Variants in PPP2R1B observed in about 807,000 individuals in gnomAD.
PPP2R1B encodes the protein serine/threonine-protein phosphatase 2A 65 kDa regulatory subunit A beta isoform.
In PPP2R1B, 58 loss-of-function variants were observed where a neutral mutation model predicts 72.7. The ratio of observed to expected loss-of-function variants is 0.80; its 90% confidence interval spans 0.65 to 0.99. PPP2R1B has a LOEUF of 0.99. Among genes scored for constraint, PPP2R1B ranks in the 50% least tolerant of loss-of-function variants. PPP2R1B has a pLI of 0.00. For synonymous variants in PPP2R1B, 256 were observed against 264.6 expected, an observed-to-expected ratio of 0.97 and a Z score of 0.32; for missense variants, 695 against 733.6, an observed-to-expected ratio of 0.95 and a Z score of 0.61.
the PPP2R1B span, chr11:111,700,737 G>A: frequency 7.7e-6 from 7 of 904,230 alleles, no homozygotes; most frequent in Non-Finnish European, 9.8e-6. Flanking sequence ...GCTAATGCCA[G>A]GGAAACATCA....
At chr11:111,754,710 A>C (rs1188635881) in intron 7 of PPP2R1B, 141 bp from the exon 8 acceptor site, 9 of 1,412,004 alleles carry the variant, frequency 6.4e-6, no homozygotes, top group Admixed American at 6.3e-5. Flanking sequence ...TGTTCTAAAT[A>C]AACTTTTTCG....
intron 5 of PPP2R1B, among the ~76,000 whole-genome samples, chr11:111,755,841 C>T (rs544981236): frequency 1.1e-4 from 16 of 152,208 alleles, no homozygotes; most frequent in Admixed American, 7.2e-4. Context: ...CCACCTGCCT[C>T]GGCCTCCCAA....
At chr11:111,693,078 A>G in the PPP2R1B span, among the ~76,000 whole-genome samples, 1 of 152,146 alleles carries the variant, frequency 6.6e-6, no homozygotes, top group East Asian at 1.9e-4. Flanking sequence ...TCACGCCTGT[A>G]ATCCCAGCAC....
intron 8 of PPP2R1B, 26 bp downstream of exon 8, chr11:111,754,473 G>C (rs370761720): frequency 1.9e-6 from 3 of 1,585,930 alleles, no homozygotes; most frequent in Admixed American, 2.0e-5. Context: ...ATAAAAGAGA[G>C]TGAAACAAAA....
Position 111,760,820 on chromosome 11 carries a change from G to A in PPP2R1B, c.538C>T (p.Gln180Ter). The A allele has an allele frequency of 6.2e-7, 1 of 1,613,260 alleles. No homozygotes were observed. The highest frequency in any genetic ancestry group is 8.5e-7 in the Non-Finnish European group (1 of 1,179,462). Reference sequence around the variant, plus strand: ...AGGCAAAAAAATACCATGGCTTACTGTCTGATTTCTGCTTTAACAGCATTT... The same window carrying A: ...AGGCAAAAAAATACCATGGCTTACTATCTGATTTCTGCTTTAACAGCATTT... ...ASNAVKAEIR[Q>*]QFRSLCSDDT... The change falls in exon 4 of 15, where the codon CAG (glutamine) becomes TAG (stop). Residue 180 changes from glutamine to a stop codon, truncating the protein, a stop_gained and splice_region_variant. Transcript: ENST00000527614. LOFTEE classifies it high-confidence loss of function.
chr11:111,700,857 G>A, the PPP2R1B span: 2 of 1,612,242 alleles, frequency 1.2e-6, no homozygotes, highest in African/African-American at 1.3e-5. Context: ...GAGCATAGAT[G>A]AAAATAACAT....
downstream of PPP2R1B, among the ~76,000 whole-genome samples, chr11:111,733,918 C>T (rs1411108691): frequency 2.0e-5 from 3 of 152,166 alleles, no homozygotes; most frequent in Non-Finnish European, 4.4e-5. Flanking sequence ...GCCCGGGAGC[C>T]ACCACCTGGC....
At position 111,755,095 on chromosome 11, in the gene PPP2R1B, C is replaced by A; in HGVS notation, c.844-1G>T. 6.2e-7 allele frequency: 1 copy of A among 1,602,998 alleles called. No individual in the cohort carries two copies. Among genetic ancestry groups the A allele is most frequent in the Non-Finnish European group, 8.5e-7 (1 of 1,172,604 alleles). On this transcript the variant is annotated splice_acceptor_variant, in intron 6 of 14. Coordinates refer to ENST00000527614, the MANE Select transcript of PPP2R1B (RefSeq NM_002716.5). LOFTEE classifies it high-confidence loss of function. ...TTTTAGGACCCATGGCTTTCTGGAGCTATAAAAGAATTTGAACGGGTTTTA... is the reference window on the plus strand; with the variant it reads ...TTTTAGGACCCATGGCTTTCTGGAGATATAAAAGAATTTGAACGGGTTTTA...
At chr11:111,713,972 A>T in the PPP2R1B span, among the ~76,000 whole-genome samples, 2 of 152,200 alleles carry the variant, frequency 1.3e-5, no homozygotes, top group Non-Finnish European at 2.9e-5. Flanking sequence ...ATCTCAAAAA[A>T]AAAATAAATA....
chr11:111,703,936 T>C, the PPP2R1B span, among the ~76,000 whole-genome samples: 1 of 152,178 alleles, frequency 6.6e-6, no homozygotes, highest in African/African-American at 2.4e-5. Context: ...ACCTGGAAAA[T>C]TCCTCTTGGC....
chr11:111,764,832 TC>T lies in PPP2R1B; in HGVS notation c.278del (p.Gly93GlufsTer32). On this transcript the variant is annotated frameshift_variant, in exon 3 of 15. Coordinates refer to ENST00000527614, the MANE Select transcript of PPP2R1B (RefSeq NM_002716.5). LOFTEE classifies it high-confidence loss of function. ...GCAGACAGTGGGCAAAGTCAGGACC[TC>T]CCACTAGGCCAGTGAAATTTCCCAG... ...EQLGNFTGLV[G>X]GPDFAHCLLP... 1 of 1,614,092 alleles carries T rather than the reference TC, an allele frequency of 6.2e-7. No individual in the cohort carries two copies. The highest frequency in any genetic ancestry group is 1.1e-5 in the South Asian group (1 of 91,088).
chr11:111,719,045 C>T, the PPP2R1B span, among the ~76,000 whole-genome samples: 3 of 152,312 alleles, frequency 2.0e-5, no homozygotes, highest in Admixed American at 6.5e-5. Flanking sequence ...CCATCGATAA[C>T]GTATATGTTG....
rs1944407318 is a variant in PPP2R1B, at chr11:111,738,469, T to C, written c.*3127A>G. The C allele has an allele frequency of 1.0e-6, 1 of 985,302 alleles. No homozygotes were observed. Among genetic ancestry groups the C allele is most frequent in the Admixed American group, 6.1e-5 (1 of 16,262 alleles). 61.0% of individuals were successfully genotyped at this position (985,302 alleles called of 1,614,324 possible). A position where few individuals can be genotyped will look rare whatever the true frequency, so the allele number is the denominator to read the frequency against. On this transcript the variant is annotated 3_prime_UTR_variant, in exon 15 of 15. Coordinates refer to ENST00000527614, the MANE Select transcript of PPP2R1B (RefSeq NM_002716.5). ...AACAAAGGAACAAAAGTGCACCAGG[T>C]TAACCGCCGGGTCAGGAAGGACAGG...
rs890559721 is a variant in PPP2R1B at position 111,740,281 on chromosome 11, G to A, written c.*1315C>T. On this transcript the variant is annotated 3_prime_UTR_variant, in exon 15 of 15. Transcript: ENST00000527614. ...GGCCCAGGCTAGAGTGCAGTGGCGC[G>A]ATCTCGGCTCAGTGCAACCTCTACC... 3.0e-5 allele frequency: 28 copies of A among 944,276 alleles called. No homozygotes were observed. Among genetic ancestry groups the A allele is most frequent in the Admixed American group, 6.2e-5 (1 of 16,188 alleles). The allele number at this position is 944,276 out of a possible 1,614,324, so 58.5% of individuals were successfully genotyped here. A position where few individuals can be genotyped will look rare whatever the true frequency, so the allele number is the denominator to read the frequency against.
chr11:111,726,884 G>T, downstream of PPP2R1B: 1 of 1,299,786 alleles, frequency 7.7e-7, no homozygotes. Context: ...TGAGATGAAC[G>T]TGAGGTAAAA....
the PPP2R1B span, among the ~76,000 whole-genome samples, chr11:111,711,515 T>C: frequency 6.6e-6 from 1 of 152,202 alleles, no homozygotes; most frequent in Non-Finnish European, 1.5e-5. Context: ...CATCAGGAGC[T>C]TTCTATAGTG....
chr11:111,711,181 G>A, the PPP2R1B span, among the ~76,000 whole-genome samples: 21 of 151,428 alleles, frequency 1.4e-4, no homozygotes, highest in African/African-American at 4.8e-4. Flanking sequence ...TGCAGTGGCG[G>A]GATCTTGGCT....
the PPP2R1B span, among the ~76,000 whole-genome samples, chr11:111,715,793 C>CTTTTTTTTTTT: frequency 2.5e-5 from 2 of 81,598 alleles, no homozygotes; most frequent in African/African-American, 4.9e-5. Context: ...TCATTTTTAG[C>CTTTTTTTTTTT]TTTTTTTTTT....
At chr11:111,701,138 T>G in the PPP2R1B span, 1 of 1,250,926 alleles carries the variant, frequency 8.0e-7, no homozygotes, top group Non-Finnish European at 1.1e-6. This position sits in a 1 kb window ranked among gnomAD's most constrained non-coding sequence, Gnocchi z 4.2. Context: ...TCCACTGGAC[T>G]ATAATTACTC....
Sources: allele counts gnomAD v4.1 joint callset (sites outside exome capture counted in the v4.1 genomes callset), GRCh38; gene constraint gnomAD v4.1.1; non-coding constraint Gnocchi (gnomAD v3.1); transcripts MANE v1.5; gene names NCBI Gene and HGNC (gene_info 2026-07-23, HGNC 2026-07-21).